The following FAF2 variants were observed in gnomAD, a reference collection of about 807,000 sequenced individuals.
The protein encoded by FAF2 is Fas associated factor family member 2, also known as FAS-associated factor 2.
FAF2 carries 9 observed loss-of-function variants against 62.3 expected under a neutral mutation model. That is an observed-to-expected ratio of 0.14 (90% confidence interval 0.09 to 0.25). FAF2 has a LOEUF of 0.25. Ranked by LOEUF, FAF2 falls within the 10% of genes least tolerant of loss-of-function variation. The probability of loss-of-function intolerance (pLI) is 1.00; values close to 1 mark genes in which losing one functional copy is unlikely to be tolerated. For missense variants in FAF2, 368 were observed against 556.2 expected (o/e 0.66, Z 3.40); for synonymous variants, 202 against 198.0 (o/e 1.02, Z -0.17).
At chr5:176,482,511 CA>C (rs1758799411) in intron 2 of FAF2, among the ~76,000 whole-genome samples, 2 of 151,876 alleles carry the variant, frequency 1.3e-5, no homozygotes, top group South Asian at 4.1e-4. Context: ...TGCGTCTGGC[CA>C]GTTTATGTTT....
chr5:176,457,444 G>A lies in FAF2; in HGVS notation c.63+8974G>A, dbSNP rs928551115. 3.9e-5 allele frequency among the ~76,000 whole-genome samples: 6 copies of A among 152,102 alleles called. No individual in the cohort carries two copies. In the East Asian group the frequency reaches 5.8e-4, roughly 15 times the overall value. The stretch of plus-strand genomic sequence containing the variant: ...GACCTCAGGTGATCCACCTGCCACA[G>A]CCTCCCAAAGTGCTGTGATTACAGG... On this transcript the variant is annotated intron_variant, in intron 1 of 10. Transcript: ENST00000261942.
intron 1 of FAF2, among the ~76,000 whole-genome samples, chr5:176,466,303 C>T (rs1365301415): frequency 6.6e-6 from 1 of 152,036 alleles, no homozygotes; most frequent in Non-Finnish European, 1.5e-5. Flanking sequence ...TCTGTGTGGT[C>T]GGAAGGAGAG....
At chr5:176,495,070 G>A (rs1759038564) in intron 7 of FAF2, among the ~76,000 whole-genome samples, 1 of 152,202 alleles carries the variant, frequency 6.6e-6, no homozygotes, top group Non-Finnish European at 1.5e-5. Context: ...CTTGAGTGCT[G>A]ATATGGATTT....
At chr5:176,473,391 C>T (rs541671361) in intron 1 of FAF2, among the ~76,000 whole-genome samples, 1 of 152,240 alleles carries the variant, frequency 6.6e-6, no homozygotes, top group South Asian at 2.1e-4. Flanking sequence ...AGGTAAAGCA[C>T]GATTTTCACT....
At chr5:176,455,074 C>T (rs1658074821) in intron 1 of FAF2, among the ~76,000 whole-genome samples, 1 of 150,994 alleles carries the variant, frequency 6.6e-6, no homozygotes, top group Admixed American at 6.6e-5. Context: ...GGGGAAATTG[C>T]TAAAAAAAAA....
At chr5:176,499,879 C>A in intron 9 of FAF2, 124 bp from the exon 10 acceptor site, 1 of 1,129,136 alleles carries the variant, frequency 8.9e-7, no homozygotes, top group Non-Finnish European at 1.3e-6. Context: ...TTGACTATTC[C>A]TGAGAGGTTT....
intron 1 of FAF2, among the ~76,000 whole-genome samples, chr5:176,465,546 T>C (rs941299896): frequency 2.0e-5 from 3 of 151,834 alleles, no homozygotes; most frequent in African/African-American, 4.8e-5. Context: ...TTTTGTATTT[T>C]AGTAGAGACA....
At chr5:176,503,724 T>C (rs1310649195) in intron 10 of FAF2, among the ~76,000 whole-genome samples, 1 of 152,144 alleles carries the variant, frequency 6.6e-6, no homozygotes, top group Admixed American at 6.5e-5. Flanking sequence ...TGAGTGGTCA[T>C]AAAAGAGGCA....
intron 2 of FAF2, among the ~76,000 whole-genome samples, chr5:176,484,824 G>A (rs1008503425): frequency 3.3e-5 from 5 of 151,600 alleles, no homozygotes; most frequent in Admixed American, 2.6e-4. Context: ...CTGGGGGCGC[G>A]GAGGTTGCAG....
intron 2 of FAF2, among the ~76,000 whole-genome samples, chr5:176,485,469 G>T (rs1477662531): frequency 6.6e-6 from 1 of 152,188 alleles, no homozygotes; most frequent in African/African-American, 2.4e-5. Flanking sequence ...TATCAGGTCT[G>T]ACATAGATTA....
chr5:176,480,103 G>A (rs550497357), intron 2 of FAF2, among the ~76,000 whole-genome samples: 17 of 152,276 alleles, frequency 1.1e-4, no homozygotes, highest in African/African-American at 4.1e-4. Context: ...TGTTTTAACT[G>A]CTGTATTCCC....
At chr5:176,456,087 T>C (rs1758273368) in intron 1 of FAF2, among the ~76,000 whole-genome samples, 1 of 152,172 alleles carries the variant, frequency 6.6e-6, no homozygotes, top group Non-Finnish European at 1.5e-5. Flanking sequence ...GTTTGTTTGA[T>C]TGAGACAGAG....
chr5:176,463,082 G>T (rs1474044023), intron 1 of FAF2, among the ~76,000 whole-genome samples: 2 of 152,072 alleles, frequency 1.3e-5, no homozygotes, highest in Admixed American at 6.6e-5. Flanking sequence ...TTAAGTGAAA[G>T]AATCAATACT....
At chr5:176,499,152 A>C (rs1000156958) in intron 9 of FAF2, 67 bp downstream of exon 9, 37 of 1,433,390 alleles carry the variant, frequency 2.6e-5, no homozygotes, top group Non-Finnish European at 3.4e-5. Flanking sequence ...CTTGGTCTTA[A>C]GTGTGAAAGG....
chr5:176,489,113 A>T (rs369098085), intron 4 of FAF2, 86 bp downstream of exon 4: 7 of 916,072 alleles, frequency 7.6e-6, no homozygotes, highest in African/African-American at 1.7e-5. Flanking sequence ...TGCTCTATCA[A>T]TGTTGACTTA....
At position 176,461,972 on chromosome 5, in the gene FAF2, G is replaced by C. The variant is rs190961950; in HGVS notation, c.63+13502G>C. 3.9e-5 allele frequency among the ~76,000 whole-genome samples: 6 copies of C among 152,182 alleles called. No homozygotes were observed. In the East Asian group the frequency reaches 7.7e-4, roughly 20 times the overall value. The stretch of plus-strand genomic sequence containing the variant: ...ATTAATATTTTTAAACTTTACAGGG[G>C]TGTTAGAAGTAAGCATCAGAAAAGC... On this transcript the variant is annotated intron_variant, in intron 1 of 10. Transcript: ENST00000261942.
rs79591921 is a variant in FAF2 at position 176,492,773 on chromosome 5, A to G, written c.483+441A>G. ...GCCCTATCTCATCATCTAGAATACT[A>G]ATCTTTCCCTTTGTTCTTCCATAGC... is the stretch of plus-strand genomic sequence containing the variant. On this transcript the variant is annotated intron_variant, in intron 5 of 10. Transcript: ENST00000261942. Among the ~76,000 whole-genome samples the G allele has an allele frequency of 5.1e-3, 772 of 152,292 alleles. 6 individuals carry two copies. Among genetic ancestry groups the G allele is most frequent in the African/African-American group, 0.017 (706 of 41,542 alleles).
chr5:176,496,446 C>T (rs375856490), intron 7 of FAF2, 40 bp from the exon 8 acceptor site: 77 of 1,463,228 alleles, frequency 5.3e-5, no homozygotes, highest in African/African-American at 2.9e-4. Context: ...TCTTTTTCAC[C>T]GTCAAGTCCT....
At chr5:176,501,379 A>T (rs1755589802) in intron 10 of FAF2, among the ~76,000 whole-genome samples, 1 of 152,226 alleles carries the variant, frequency 6.6e-6, no homozygotes, top group Non-Finnish European at 1.5e-5. Flanking sequence ...AAGAGGATGC[A>T]CTGTAGTCAG....
Sources: gnomAD v4.1 joint callset for allele counts (sites outside exome capture counted in the v4.1 genomes callset) on GRCh38, gnomAD v4.1.1 for gene constraint, MANE v1.5 for transcripts, NCBI Gene and HGNC (gene_info 2026-07-23, HGNC 2026-07-21) for gene names.